The following SLC16A9 variants were observed in gnomAD, a reference collection of about 807,000 sequenced individuals.
SLC16A9 encodes the protein solute carrier family 16 member 9.
SLC16A9 carries 26 observed loss-of-function variants against 44.3 expected under a neutral mutation model. The observed-to-expected ratio is 0.59, with a 90% CI of 0.43 to 0.81. The LOEUF (loss-of-function observed/expected upper bound fraction) is 0.81, where lower values mean the gene tolerates loss of function less well. Ranked by LOEUF, SLC16A9 falls within the 40% of genes least tolerant of loss-of-function variation. The pLI, the probability that SLC16A9 is intolerant of heterozygous loss-of-function variation, is 0.00. For missense variants in SLC16A9, 559 were observed against 595.8 expected (o/e 0.94, Z 0.64); for synonymous variants, 230 against 225.1 (o/e 1.02, Z -0.19).
At chr10:59,673,306 C>T (rs948700182) in intron 2 of SLC16A9, among the ~76,000 whole-genome samples, 4 of 152,140 alleles carry the variant, frequency 2.6e-5, no homozygotes, top group African/African-American at 9.7e-5. Context: ...ACCCACCTGA[C>T]CGTGTTACTG....
At chr10:59,668,939 A>T (rs922410950) in intron 3 of SLC16A9, among the ~76,000 whole-genome samples, 4 of 152,114 alleles carry the variant, frequency 2.6e-5, no homozygotes, top group Admixed American at 6.6e-5. Context: ...TCTTTATCTC[A>T]TTTGGCAGAA....
intron 1 of SLC16A9, among the ~76,000 whole-genome samples, chr10:59,703,066 C>T (rs532410102): frequency 2.5e-4 from 38 of 152,338 alleles, no homozygotes; most frequent in Non-Finnish European, 4.9e-4. Context: ...AATCTTGGAA[C>T]TAAATCACAC....
At chr10:59,676,847 G>A (rs1276673517) in intron 2 of SLC16A9, among the ~76,000 whole-genome samples, 2 of 151,232 alleles carry the variant, frequency 1.3e-5, no homozygotes, top group African/African-American at 2.4e-5. Context: ...TGCATGAACC[G>A]GGAAGGTGGA....
In SLC16A9 at chr10:59,707,885, C is replaced by T. The variant is rs540946930; in HGVS notation, c.-37+1594G>A. The stretch of plus-strand genomic sequence containing the variant: ...AGATTCAGACACCAACCAATTCACA[C>T]CACCTTTTCAGACTCAAAGTCAGAA... On this transcript the variant is annotated intron_variant, in intron 1 of 5. Coordinates refer to ENST00000395348, the MANE Select transcript of SLC16A9 (RefSeq NM_194298.3). 4.6e-5 allele frequency among the ~76,000 whole-genome samples: 7 copies of T among 152,314 alleles called. No individual in the cohort carries two copies. In the South Asian group the frequency reaches 1.0e-3, roughly 23 times the overall value.
chr10:59,675,858 A>G (rs528230510), intron 2 of SLC16A9, among the ~76,000 whole-genome samples: 2 of 152,366 alleles, frequency 1.3e-5, no homozygotes, highest in South Asian at 4.1e-4. Context: ...TCAAGGACTG[A>G]ATGGGGCACC....
intron 4 of SLC16A9, among the ~76,000 whole-genome samples, chr10:59,662,053 A>AG (rs1839487237): frequency 3.3e-5 from 5 of 152,292 alleles, no homozygotes; most frequent in African/African-American, 4.8e-5. Context: ...CCAAGGCAAT[A>AG]CCATGCAGGA....
chr10:59,678,042 C>G lies in SLC16A9; in HGVS notation c.197-5129G>C, dbSNP rs1312971510. ...CCAATGCTATCCCTCCCCCCTCCCC[C>G]CACCCCACAACAGTCCCCAGAGTGT... On this transcript the variant is annotated intron_variant, in intron 2 of 5. Coordinates refer to ENST00000395348, the MANE Select transcript of SLC16A9 (RefSeq NM_194298.3). 1.5e-4 allele frequency among the ~76,000 whole-genome samples: 19 copies of G among 125,956 alleles called. No homozygotes were observed. The East Asian group carries it at 4.2e-3, about 28-fold the overall frequency. The allele number at this position is 125,956 out of a possible 152,430, so 82.6% of individuals were successfully genotyped here.
At chr10:59,671,489 G>A (rs974580437) in intron 3 of SLC16A9, among the ~76,000 whole-genome samples, 1 of 152,170 alleles carries the variant, frequency 6.6e-6, no homozygotes, top group Non-Finnish European at 1.5e-5. Context: ...GGCTTACATG[G>A]GCACGTAATA....
intron 1 of SLC16A9, among the ~76,000 whole-genome samples, chr10:59,691,518 G>A (rs1286247483): frequency 6.6e-6 from 1 of 152,138 alleles, no homozygotes; most frequent in African/African-American, 2.4e-5. Flanking sequence ...CTCCCTTGGA[G>A]GAGAGAGAAG....
chr10:59,660,264 T>C (rs1045269311), intron 4 of SLC16A9, among the ~76,000 whole-genome samples: 2 of 151,936 alleles, frequency 1.3e-5, no homozygotes, highest in African/African-American at 2.4e-5. Flanking sequence ...GCCAGACTAA[T>C]AAGTAAGAAA....
intron 4 of SLC16A9, among the ~76,000 whole-genome samples, chr10:59,658,498 T>A (rs1839399020): frequency 6.6e-6 from 1 of 152,174 alleles, no homozygotes; most frequent in African/African-American, 2.4e-5. Context: ...AGCTAGTGAG[T>A]GACAGAAGAG....
At chr10:59,707,995 C>A (rs911103771) in intron 1 of SLC16A9, among the ~76,000 whole-genome samples, 2 of 152,144 alleles carry the variant, frequency 1.3e-5, no homozygotes, top group African/African-American at 4.8e-5. Flanking sequence ...ATGAAGGATA[C>A]CTGTTATTCC....
At chr10:59,671,792 G>A (rs765605023) in intron 3 of SLC16A9, among the ~76,000 whole-genome samples, 26 of 152,268 alleles carry the variant, frequency 1.7e-4, no homozygotes, top group South Asian at 1.2e-3. Context: ...AGTATCAAAC[G>A]AAGTCTCCTA....
intron 1 of SLC16A9, among the ~76,000 whole-genome samples, chr10:59,685,303 C>T (rs1160346661): frequency 1.3e-5 from 2 of 152,078 alleles, no homozygotes; most frequent in African/African-American, 4.8e-5. Flanking sequence ...TAGGCAAAAA[C>T]ACTTGCATGG....
chr10:59,670,151 A>G (rs1007643897), intron 3 of SLC16A9, among the ~76,000 whole-genome samples: 2 of 152,218 alleles, frequency 1.3e-5, no homozygotes, highest in Non-Finnish European at 2.9e-5. Flanking sequence ...GCCAAAAACT[A>G]CTGCTGTATG....
chr10:59,709,348 G>A (rs1397204395), intron 1 of SLC16A9, 131 bp downstream of exon 1: 1 of 152,338 alleles, frequency 6.6e-6, no homozygotes, highest in African/African-American at 2.4e-5. Context: ...CCAGACAAAA[G>A]CCCGGTTCCA....
chr10:59,686,049 C>T (rs1048572507), intron 1 of SLC16A9, among the ~76,000 whole-genome samples: 7 of 150,624 alleles, frequency 4.6e-5, no homozygotes, highest in Non-Finnish European at 1.0e-4. Context: ...GCAATCTCGG[C>T]TCACTCAACT....
In SLC16A9 at chr10:59,652,901, A is replaced by G; in HGVS notation, c.1401T>C (p.Ser467=). 6.2e-7 allele frequency: 1 copy of G among 1,613,918 alleles called. No individual in the cohort carries two copies. The highest frequency in any genetic ancestry group is 1.1e-5 in the South Asian group (1 of 91,032). The change falls in exon 6 of 6, where the codon AGT becomes AGC. Residue 467 remains serine (S), a synonymous_variant. Transcript: ENST00000395348. ...TQTYDIAFYF[S]GFCVLLGGFI... ...AACCTCCCAGCAGGACGCAGAAGCC[A>G]CTAAAATAAAATGCAATATCATAGG... is the stretch of plus-strand genomic sequence containing the variant.
At position 59,684,073 on chromosome 10, in the gene SLC16A9, G is replaced by A. The variant is rs200326410; in HGVS notation, c.196+23C>T. On this transcript the variant is annotated intron_variant, in intron 2 of 5. Coordinates refer to ENST00000395348, the MANE Select transcript of SLC16A9 (RefSeq NM_194298.3). Reference sequence around the variant, plus strand: ...TAATTAAATGATTAAAGAGTAAAGAGAGGCATTAATTTATCCACTTACTTG... The same window carrying A: ...TAATTAAATGATTAAAGAGTAAAGAAAGGCATTAATTTATCCACTTACTTG... The A allele has an allele frequency of 2.9e-5, 46 of 1,588,132 alleles. No individual in the cohort carries two copies. The East Asian group carries it at 7.6e-4, about 26-fold the overall frequency.
Sources: allele counts gnomAD v4.1 joint callset (sites outside exome capture counted in the v4.1 genomes callset), GRCh38; gene constraint gnomAD v4.1.1; transcripts MANE v1.5; gene names NCBI Gene and HGNC (gene_info 2026-07-23, HGNC 2026-07-21).